The following LINGO2 variants were observed in gnomAD, a reference collection of about 807,000 sequenced individuals.
The protein encoded by LINGO2 is leucine rich repeat and Ig domain containing 2.
A neutral mutation model predicts 30.6 loss-of-function variants in LINGO2; 14 were observed. The ratio of observed to expected loss-of-function variants is 0.46; its 90% confidence interval spans 0.30 to 0.72. The LOEUF (loss-of-function observed/expected upper bound fraction) is 0.72. LINGO2 is among the 30% of genes least tolerant of loss of function. The pLI, the probability that LINGO2 is intolerant of heterozygous loss-of-function variation, is 0.07. For missense variants in LINGO2, 729 were observed against 751.7 expected, an observed-to-expected ratio of 0.97 and a Z score of 0.35; for synonymous variants, 317 against 288.5, an observed-to-expected ratio of 1.10 and a Z score of -1.00.
At position 28,423,913 on chromosome 9, in the gene LINGO2, C is replaced by T. The variant is rs376919559; in HGVS notation, c.-278-51045G>A. Among the ~76,000 whole-genome samples, 86 of 152,136 alleles carry T rather than the reference C, an allele frequency of 5.7e-4. No homozygotes were observed. The South Asian group carries it at 0.014, about 24-fold the overall frequency. On this transcript the variant is annotated intron_variant, in intron 2 of 5. Transcript: ENST00000379992. The stretch of plus-strand genomic sequence containing the variant: ...GTCTTCCAATAATTAATTTCAGAAA[C>T]AGCTACATCGACTGCCCTATTTCCT...
At chr9:28,683,639 A>G in the LINGO2 span, among the ~76,000 whole-genome samples, 1 of 152,182 alleles carries the variant, frequency 6.6e-6, no homozygotes, top group African/African-American at 2.4e-5. Context: ...TCTTAGAGCC[A>G]GGATTAAATA....
chr9:28,504,329 A>G (rs77980325), intron 1 of LINGO2, among the ~76,000 whole-genome samples: 3,895 of 151,990 alleles, frequency 0.026, 157 homozygotes, highest in East Asian at 0.12. Context: ...TAAAACTTTT[A>G]ATTTAGATAT....
chr9:28,433,966 T>TATATATATACACAC (rs752778212), intron 2 of LINGO2, among the ~76,000 whole-genome samples: 1 of 99,994 alleles, frequency 1.0e-5, no homozygotes, highest in Non-Finnish European at 2.4e-5. Flanking sequence ...TATATATATA[T>TATATATATACACAC]ACACACACAC....
chr9:28,202,093 T>C (rs1820257139), intron 4 of LINGO2, among the ~76,000 whole-genome samples: 1 of 152,166 alleles, frequency 6.6e-6, no homozygotes, highest in African/African-American at 2.4e-5. Context: ...TTTCTGTGCA[T>C]TTACCTGTGT....
At chr9:28,279,834 T>C (rs1444027935) in intron 4 of LINGO2, among the ~76,000 whole-genome samples, 1 of 152,142 alleles carries the variant, frequency 6.6e-6, no homozygotes, top group Non-Finnish European at 1.5e-5. Flanking sequence ...TTTCCAGATA[T>C]GATCTCCAGA....
intron 4 of LINGO2, among the ~76,000 whole-genome samples, chr9:28,150,856 A>C (rs554743636): frequency 6.6e-6 from 1 of 152,302 alleles, no homozygotes; most frequent in East Asian, 1.9e-4. Context: ...GTCGCTTCCT[A>C]AGTGGTAAAA....
the LINGO2 span, among the ~76,000 whole-genome samples, chr9:29,149,780 C>T: frequency 6.6e-6 from 1 of 152,160 alleles, no homozygotes; most frequent in Non-Finnish European, 1.5e-5. Context: ...TGCAGCAGAA[C>T]GAAGCCATAG....
the LINGO2 span, among the ~76,000 whole-genome samples, chr9:28,922,911 A>T: frequency 2.0e-5 from 3 of 152,150 alleles, no homozygotes; most frequent in African/African-American, 7.2e-5. Context: ...ATGCAGGTGG[A>T]CCCTAAATGT....
chr9:28,478,746 C>G (rs1282455182), intron 1 of LINGO2, among the ~76,000 whole-genome samples: 1 of 152,020 alleles, frequency 6.6e-6, no homozygotes, highest in Non-Finnish European at 1.5e-5. Context: ...TACTTCTTCT[C>G]TTACTTACTT....
At chr9:28,800,007 ACTT>A in the LINGO2 span, among the ~76,000 whole-genome samples, 1 of 152,168 alleles carries the variant, frequency 6.6e-6, no homozygotes, top group Middle Eastern at 3.4e-3. Flanking sequence ...TTTCTTTCTT[ACTT>A]TAGAACTTAG....
intron 4 of LINGO2, among the ~76,000 whole-genome samples, chr9:28,228,002 G>C (rs1252595745): frequency 6.6e-6 from 1 of 151,890 alleles, no homozygotes; most frequent in Non-Finnish European, 1.5e-5. Flanking sequence ...TAAATAAATA[G>C]TCATTCATAA....
At chr9:28,373,087 A>C (rs1820967937) in intron 2 of LINGO2, among the ~76,000 whole-genome samples, 1 of 152,062 alleles carries the variant, frequency 6.6e-6, no homozygotes, top group Admixed American at 6.6e-5. Context: ...ATTTTGTCAT[A>C]ATTTGCTTTT....
the LINGO2 span, among the ~76,000 whole-genome samples, chr9:29,200,562 A>T: frequency 1.3e-5 from 2 of 152,118 alleles, no homozygotes; most frequent in East Asian, 3.8e-4. Flanking sequence ...ACAAGTTAAG[A>T]TATATAGAAA....
At chr9:28,373,917 A>G (rs1435480528) in intron 2 of LINGO2, among the ~76,000 whole-genome samples, 3 of 149,536 alleles carry the variant, frequency 2.0e-5, no homozygotes, top group Non-Finnish European at 4.5e-5. Flanking sequence ...AAAAAAAAAA[A>G]GATATGGATT....
At chr9:28,402,219 A>G (rs1564176872) in intron 2 of LINGO2, among the ~76,000 whole-genome samples, 1 of 151,274 alleles carries the variant, frequency 6.6e-6, no homozygotes, top group East Asian at 2.0e-4. Flanking sequence ...AGAAAAAACA[A>G]TAACTTAGGA....
chr9:29,099,711 T>A, the LINGO2 span, among the ~76,000 whole-genome samples: 1 of 152,162 alleles, frequency 6.6e-6, no homozygotes, highest in Non-Finnish European at 1.5e-5. Context: ...ATATGGTTTA[T>A]ATCCAAAAGA....
intron 4 of LINGO2, among the ~76,000 whole-genome samples, chr9:28,117,201 G>T (rs1194635217): frequency 1.3e-5 from 2 of 151,922 alleles, no homozygotes; most frequent in Non-Finnish European, 2.9e-5. Context: ...CTGGTGGGGG[G>T]TGCCTCCCAG....
the LINGO2 span, among the ~76,000 whole-genome samples, chr9:29,092,981 A>G: frequency 1.5e-5 from 2 of 131,166 alleles, no homozygotes; most frequent in African/African-American, 2.9e-5. Flanking sequence ...TTACAAAAAA[A>G]TCAAAATCCT....
At chr9:27,941,918 A>G in the LINGO2 span, 1 of 152,124 alleles carries the variant, frequency 6.6e-6, no homozygotes, top group Non-Finnish European at 1.5e-5. Flanking sequence ...AGGCTAACTC[A>G]GAAAGAAAAA....
Sources: allele counts gnomAD v4.1 joint callset (sites outside exome capture counted in the v4.1 genomes callset), GRCh38; gene constraint gnomAD v4.1.1; transcripts MANE v1.5; gene names NCBI Gene and HGNC (gene_info 2026-07-23, HGNC 2026-07-21).